DLGAP1: variants seen among roughly 807,000 people sequenced by gnomAD.
DLGAP1 encodes disks large-associated protein 1.
Under a neutral mutation model 90.8 loss-of-function variants are expected in DLGAP1, and 11 were observed. That is an observed-to-expected ratio of 0.12 (90% CI 0.08 to 0.20). The LOEUF is 0.20. Ranked by LOEUF, DLGAP1 falls within the 10% of genes least tolerant of loss-of-function variation. The probability of loss-of-function intolerance (pLI) is 1.00; values close to 1 mark genes in which losing one functional copy is unlikely to be tolerated. For synonymous variants in DLGAP1, 558 were observed against 540.7 expected (o/e 1.03, Z -0.44); for missense variants, 1,050 against 1,333.8 (o/e 0.79, Z 3.31).
intron 1 of DLGAP1, among the ~76,000 whole-genome samples, chr18:4,216,519 T>C (rs545630009): frequency 6.6e-6 from 1 of 152,284 alleles, no homozygotes; most frequent in Non-Finnish European, 1.5e-5. Context: ...CGACCACATG[T>C]ACAGACACAT....
At chr18:4,305,909 AT>A (rs911353493) in intron 1 of DLGAP1, among the ~76,000 whole-genome samples, 5 of 39,798 alleles carry the variant, frequency 1.3e-4, no homozygotes, top group African/African-American at 1.7e-4. Context: ...CATGATTATT[AT>A]TTTTTTTTTG....
chr18:4,097,325 TC>T (rs1199451472), intron 2 of DLGAP1, among the ~76,000 whole-genome samples: 2 of 152,218 alleles, frequency 1.3e-5, no homozygotes, highest in Admixed American at 1.3e-4. Flanking sequence ...CTTTCCATCT[TC>T]CCCATTTACA....
chr18:4,002,242 T>G (rs2074201956), intron 3 of DLGAP1, among the ~76,000 whole-genome samples: 1 of 152,046 alleles, frequency 6.6e-6, no homozygotes, highest in Non-Finnish European at 1.5e-5. Flanking sequence ...GCAACCAAAC[T>G]TTTAGTCTAT....
intron 1 of DLGAP1, among the ~76,000 whole-genome samples, chr18:4,188,388 T>A (rs918548660): frequency 2.6e-5 from 4 of 152,134 alleles, no homozygotes; most frequent in Non-Finnish European, 5.9e-5. Flanking sequence ...TGTGCCATGG[T>A]GGCTTGCTGC....
rs755443925 is a variant in DLGAP1, at chr18:3,597,014, C to G, written c.1592-14766G>C. The G allele has an allele frequency of 5.8e-6, 3 of 520,140 alleles. No individual in the cohort carries two copies. In the Admixed American group the frequency reaches 5.8e-5, roughly 10 times the overall value. 32.2% of individuals were successfully genotyped at this position (520,140 alleles called of 1,614,324 possible). ...TCCCCCACAGGCTCTCGGCAAAGGA[C>G]CGTGGGAGGCACCTGTGACACTGCC... On this transcript the variant is annotated intron_variant, in intron 7 of 12. Coordinates refer to ENST00000315677, the MANE Select transcript of DLGAP1 (RefSeq NM_004746.4).
intron 1 of DLGAP1, among the ~76,000 whole-genome samples, chr18:4,308,248 C>T (rs1330953552): frequency 6.6e-6 from 1 of 152,208 alleles, no homozygotes; most frequent in African/African-American, 2.4e-5. Context: ...CTGCCCTCTG[C>T]CTTTGCTCTA....
chr18:3,582,848 C>T (rs548081545), intron 7 of DLGAP1, among the ~76,000 whole-genome samples: 1 of 99,040 alleles, frequency 1.0e-5, no homozygotes, highest in Admixed American at 1.1e-4. Flanking sequence ...CTCCCTCCCC[C>T]CTCCCTCCCT....
chr18:4,047,706 G>T (rs2075074355), intron 2 of DLGAP1, among the ~76,000 whole-genome samples: 1 of 152,166 alleles, frequency 6.6e-6, no homozygotes, highest in South Asian at 2.1e-4. Flanking sequence ...TCCAGATCAA[G>T]AATTGAGCTG....
chr18:3,642,866 C>T (rs569162322), intron 7 of DLGAP1, among the ~76,000 whole-genome samples: 1 of 152,248 alleles, frequency 6.6e-6, no homozygotes, highest in East Asian at 1.9e-4. Context: ...AGGTACAGCC[C>T]CTTGGGAGGG....
At chr18:3,664,218 CCACACA>C (rs759262912) in intron 7 of DLGAP1, among the ~76,000 whole-genome samples, 16 of 75,774 alleles carry the variant, frequency 2.1e-4, no homozygotes, top group Non-Finnish European at 3.3e-4. Context: ...ACACACACAC[CCACACA>C]CACACACACA....
chr18:3,501,231 TAAA>T (rs35211484), intron 12 of DLGAP1, among the ~76,000 whole-genome samples: 177 of 145,048 alleles, frequency 1.2e-3, no homozygotes, highest in African/African-American at 3.4e-3. Flanking sequence ...AATGATTATT[TAAA>T]AAAAAAAAAA....
chr18:3,634,301 T>C (rs1388639363), intron 7 of DLGAP1, among the ~76,000 whole-genome samples: 2 of 152,190 alleles, frequency 1.3e-5, no homozygotes, highest in Admixed American at 6.5e-5. Context: ...TTTTTTATAA[T>C]ACATAATGTT....
chr18:4,057,924 C>T (rs552634756), intron 2 of DLGAP1, among the ~76,000 whole-genome samples: 2 of 152,212 alleles, frequency 1.3e-5, no homozygotes, highest in South Asian at 4.2e-4. Context: ...GGGATGATTC[C>T]TCTCAGCCAT....
chr18:4,435,587 G>A (rs905843076), intron 1 of DLGAP1, among the ~76,000 whole-genome samples: 15 of 152,156 alleles, frequency 9.9e-5, no homozygotes, highest in African/African-American at 3.4e-4. Context: ...GATGGAGGGA[G>A]GGCACTGATG....
intron 1 of DLGAP1, among the ~76,000 whole-genome samples, chr18:4,422,184 AATATAT>A (rs1249192184): frequency 6.6e-6 from 1 of 151,680 alleles, no homozygotes; most frequent in East Asian, 1.9e-4. Context: ...CTTAATTTAT[AATATAT>A]ATATAAACAA....
chr18:3,722,047 A>T (rs1342426056), intron 7 of DLGAP1: 1 of 152,188 alleles, frequency 6.6e-6, no homozygotes, highest in Admixed American at 6.5e-5. Context: ...GGGCATTCTA[A>T]TTTGTAATTT....
intron 1 of DLGAP1, among the ~76,000 whole-genome samples, chr18:4,420,350 A>T (rs1043123556): frequency 7.9e-5 from 12 of 152,022 alleles, no homozygotes; most frequent in Middle Eastern, 3.2e-3. Flanking sequence ...TTTATAGACC[A>T]CTCCTCCCAA....
chr18:4,409,489 T>G (rs2082731761), intron 1 of DLGAP1, among the ~76,000 whole-genome samples: 1 of 152,150 alleles, frequency 6.6e-6, no homozygotes, highest in African/African-American at 2.4e-5. Context: ...AATCAACACA[T>G]TTTTCTTTCT....
At chr18:4,361,021 A>G (rs2081619955) in intron 1 of DLGAP1, among the ~76,000 whole-genome samples, 1 of 152,206 alleles carries the variant, frequency 6.6e-6, no homozygotes, top group African/African-American at 2.4e-5. Flanking sequence ...TGAGACAAAG[A>G]TAAATCTAAA....
Sources: allele counts gnomAD v4.1 joint callset (sites outside exome capture counted in the v4.1 genomes callset), GRCh38; gene constraint gnomAD v4.1.1; transcripts MANE v1.5; gene names NCBI Gene and HGNC (gene_info 2026-07-23, HGNC 2026-07-21).